The following VPS13C variants were observed in gnomAD, a reference collection of about 807,000 sequenced individuals.
VPS13C encodes the protein intermembrane lipid transfer protein VPS13C.
Under a neutral mutation model 456.8 loss-of-function variants are expected in VPS13C, and 358 were observed. The observed-to-expected ratio is 0.78, with a 90% CI of 0.72 to 0.86. The LOEUF is 0.86. VPS13C is among the 40% of genes least tolerant of loss of function. VPS13C has a pLI of 0.00. For missense variants in VPS13C, 4,818 were observed against 4,385.4 expected (o/e 1.10, Z -2.79); for synonymous variants, 1,578 against 1,486.7 (o/e 1.06, Z -1.41).
At chr15:61,966,906 A>G (rs2045393334) in intron 29 of VPS13C, among the ~76,000 whole-genome samples, 3 of 152,004 alleles carry the variant, frequency 2.0e-5, no homozygotes, top group Admixed American at 2.0e-4. Flanking sequence ...CTGCTGACTG[A>G]TTAAACAAAT....
chr15:61,917,742 G>T, intron 59 of VPS13C, 107 bp from the exon 60 acceptor site: 3 of 1,189,994 alleles, frequency 2.5e-6, no homozygotes, highest in African/African-American at 1.6e-5. Context: ...TATTATTCCT[G>T]TTTTTACAGA....
chr15:61,945,876 A>G lies in VPS13C; in HGVS notation c.4987T>C (p.Ser1663Pro). ...DLQSIHKKAV[S>P]ILGDEVFRFQ... ...CTAAAGACTTCATCTCCCAAAATAG[A>G]GACAGCCTAAAAGTATTAGATTAAC... The change falls in exon 45 of 85, where the codon TCT (serine) becomes CCT (proline). Residue 1663 changes from serine to proline, a missense_variant. Physicochemically the swap from Ser to Pro is moderately conservative, Grantham distance 74 (BLOSUM62 -1). Transcript: ENST00000644861. 5.0e-6 allele frequency: 8 copies of G among 1,605,774 alleles called. No individual in the cohort carries two copies. The highest frequency in any genetic ancestry group is 6.8e-6 in the Non-Finnish European group (8 of 1,177,988).
At chr15:61,862,867 G>A (rs534239225) in intron 82 of VPS13C, among the ~76,000 whole-genome samples, 7 of 152,000 alleles carry the variant, frequency 4.6e-5, no homozygotes, top group Non-Finnish European at 1.0e-4. Flanking sequence ...TCAACACTAA[G>A]AAAGTTCTGA....
rs1893899691 is a variant in VPS13C, at chr15:61,856,276, G to A, written c.11076+10C>T. The A allele has an allele frequency of 6.2e-7, 1 of 1,612,402 alleles. No individual in the cohort carries two copies. Among genetic ancestry groups the A allele is most frequent in the Non-Finnish European group, 8.5e-7 (1 of 1,179,148 alleles). On this transcript the variant is annotated intron_variant, in intron 83 of 84. Transcript: ENST00000644861. ...ACTCTTAGCTCTAAAGGTGTGACATGTTTTCTTACCTTAACTGAAATTTTT... is the reference window on the plus strand; with the variant it reads ...ACTCTTAGCTCTAAAGGTGTGACATATTTTCTTACCTTAACTGAAATTTTT...
intron 47 of VPS13C, among the ~76,000 whole-genome samples, 199 bp downstream of exon 47, chr15:61,940,448 G>A (rs1332256111): frequency 4.6e-5 from 7 of 151,948 alleles, no homozygotes; most frequent in African/African-American, 1.7e-4. Flanking sequence ...TTTTTAAATA[G>A]GAAACAAAAT....
intron 16 of VPS13C, among the ~76,000 whole-genome samples, chr15:61,996,674 A>T (rs1004591133): frequency 6.6e-6 from 1 of 152,010 alleles, no homozygotes; most frequent in Non-Finnish European, 1.5e-5. Flanking sequence ...ATAAAAAAAA[A>T]CTCAATAGTA....
chr15:61,975,668 C>T (rs560977696), intron 24 of VPS13C, among the ~76,000 whole-genome samples: 19 of 152,116 alleles, frequency 1.2e-4, no homozygotes, highest in Non-Finnish European at 1.6e-4. Context: ...CAGGACCAGA[C>T]GACTTTACTG....
At chr15:61,876,926 T>A (rs758859382) in intron 75 of VPS13C, 47 bp downstream of exon 75, 1 of 1,414,866 alleles carries the variant, frequency 7.1e-7, no homozygotes, top group Non-Finnish European at 9.8e-7. Flanking sequence ...AATGTTTTGA[T>A]ATTTTATGAA....
intron 50 of VPS13C, among the ~76,000 whole-genome samples, chr15:61,930,654 C>T (rs1460555670): frequency 6.6e-6 from 1 of 152,024 alleles, no homozygotes; most frequent in Non-Finnish European, 1.5e-5. Flanking sequence ...TGAATGCGCT[C>T]GAGATTCTAT....
chr15:61,975,904 G>C (rs759631361), intron 24 of VPS13C, among the ~76,000 whole-genome samples: 4 of 151,884 alleles, frequency 2.6e-5, no homozygotes, highest in Non-Finnish European at 4.4e-5. Context: ...ATCAGAAATG[G>C]GGCAAGAAGT....
chr15:62,025,206 G>T (rs12591155), intron 6 of VPS13C, among the ~76,000 whole-genome samples: 65,887 of 151,684 alleles, frequency 0.43, 15,510 homozygotes, highest in Admixed American at 0.56. Flanking sequence ...TATGTGAAAT[G>T]GAGCTTGAAA....
At chr15:62,039,393 T>TA (rs2048167691) in intron 3 of VPS13C, among the ~76,000 whole-genome samples, 1 of 151,946 alleles carries the variant, frequency 6.6e-6, no homozygotes, top group Non-Finnish European at 1.5e-5. Context: ...TGGGTACAAA[T>TA]AGACATAAAT....
chr15:61,975,605 T>C (rs2045679632), intron 24 of VPS13C, among the ~76,000 whole-genome samples: 1 of 152,080 alleles, frequency 6.6e-6, no homozygotes, highest in Non-Finnish European at 1.5e-5. Flanking sequence ...TCTAGCCCTA[T>C]ATCTATGAAA....
intron 66 of VPS13C, among the ~76,000 whole-genome samples, chr15:61,901,194 G>T (rs1266120158): frequency 6.6e-6 from 1 of 151,866 alleles, no homozygotes; most frequent in East Asian, 1.9e-4. Context: ...CAGGACATAG[G>T]CATGGGCGAG....
At position 62,044,199 on chromosome 15, in the gene VPS13C, A is replaced by C. The variant is rs768131949; in HGVS notation, c.144+13T>G. 2.0e-6 allele frequency: 3 copies of C among 1,464,664 alleles called. No individual in the cohort carries two copies. The highest frequency in any genetic ancestry group is 2.8e-6 in the Non-Finnish European group (3 of 1,065,834). The allele number at this position is 1,464,664 out of a possible 1,614,324, so 90.7% of individuals were successfully genotyped here. On this transcript the variant is annotated intron_variant, in intron 2 of 84. Transcript: ENST00000644861. ...ATTAAGTGAGTTATTAGCATAGTTT[A>C]AAAAAAACTTACCAGGGCATTTTCT...
chr15:62,047,066 A>C (rs2048428888), intron 1 of VPS13C, among the ~76,000 whole-genome samples: 1 of 152,024 alleles, frequency 6.6e-6, no homozygotes, highest in Non-Finnish European at 1.5e-5. Flanking sequence ...AATACGATTT[A>C]AATATTTTTT....
At chr15:61,975,002 C>G (rs980740897) in intron 24 of VPS13C, among the ~76,000 whole-genome samples, 11 of 152,074 alleles carry the variant, frequency 7.2e-5, no homozygotes, top group African/African-American at 2.7e-4. Context: ...TCTCAATAGC[C>G]TTGTGGCAGC....
chr15:61,866,937 A>G (rs1894636623), intron 81 of VPS13C: 2 of 984,654 alleles, frequency 2.0e-6, no homozygotes, highest in African/African-American at 1.7e-5. Context: ...GAGAAGCATG[A>G]AAGTTGCTAG....
At chr15:62,058,547 G>A (rs1265309294) in intron 1 of VPS13C, among the ~76,000 whole-genome samples, 1 of 152,108 alleles carries the variant, frequency 6.6e-6, no homozygotes, top group South Asian at 2.1e-4. Context: ...TACTTATTGG[G>A]TATTATAAGC....
Sources: gnomAD v4.1 joint callset for allele counts (sites outside exome capture counted in the v4.1 genomes callset) on GRCh38, gnomAD v4.1.1 for gene constraint, MANE v1.5 for transcripts, NCBI Gene and HGNC (gene_info 2026-07-23, HGNC 2026-07-21) for gene names.